Variants in ZNF787 observed in about 807,000 individuals in gnomAD.
The protein encoded by ZNF787 is zinc finger protein 787.
In ZNF787, 7 loss-of-function variants were observed where a neutral mutation model predicts 16.9. The ratio of observed to expected loss-of-function variants is 0.42; its 90% CI spans 0.24 to 0.78. ZNF787 has a LOEUF of 0.78. ZNF787 is among the 30% of genes least tolerant of loss of function. The pLI is 0.30. For missense variants in ZNF787, 551 were observed against 589.3 expected, an observed-to-expected ratio of 0.94 and a Z score of 0.67; for synonymous variants, 345 against 270.9, an observed-to-expected ratio of 1.27 and a Z score of -2.69.
At chr19:56,094,207 T>TTC (rs920821247) in intron 2 of ZNF787, among the ~76,000 whole-genome samples, 1,940 of 145,696 alleles carry the variant, frequency 0.013, 40 homozygotes, top group African/African-American at 0.048. Context: ...TTTTTTTTTT[T>TTC]CATTTTCAGT....
At chr19:56,108,112 T>C (rs1255847851) in intron 1 of ZNF787, among the ~76,000 whole-genome samples, 1 of 152,046 alleles carries the variant, frequency 6.6e-6, no homozygotes, top group Admixed American at 6.5e-5. Context: ...GCAGTGTCTG[T>C]GCCAGGCACA....
In ZNF787 at chr19:56,087,853, G is replaced by C. The variant is rs955479021; in HGVS notation, c.*170C>G. The stretch of plus-strand genomic sequence containing the variant: ...CGGAGAAGTGAACGGGCCCTAATAC[G>C]CCCCAGTGCCCCCCCACGGACGGCG... On this transcript the variant is annotated 3_prime_UTR_variant, in exon 3 of 3. Coordinates refer to ENST00000610935, the MANE Select transcript of ZNF787 (RefSeq NM_001002836.4). 14 of 1,099,990 alleles carry C rather than the reference G, an allele frequency of 1.3e-5. No homozygotes were observed. The highest frequency in any genetic ancestry group is 1.6e-5 in the Non-Finnish European group (14 of 864,408). The allele number at this position is 1,099,990 out of a possible 1,614,324, so 68.1% of individuals were successfully genotyped here.
intron 1 of ZNF787, among the ~76,000 whole-genome samples, chr19:56,113,598 A>G (rs1323768548): frequency 6.6e-6 from 1 of 152,158 alleles, no homozygotes; most frequent in African/African-American, 2.4e-5. Context: ...AACAAGCCCG[A>G]TGCAGAACAG....
At chr19:56,095,371 T>C (rs1305819099) in intron 2 of ZNF787, among the ~76,000 whole-genome samples, 1 of 152,234 alleles carries the variant, frequency 6.6e-6, no homozygotes, top group Non-Finnish European at 1.5e-5. Flanking sequence ...TGCCTATCTG[T>C]AGAAATGCCA....
intron 2 of ZNF787, among the ~76,000 whole-genome samples, chr19:56,094,870 G>C (rs1390051840): frequency 6.6e-6 from 1 of 152,100 alleles, no homozygotes; most frequent in Non-Finnish European, 1.5e-5. Flanking sequence ...CAGCACTTTG[G>C]GAGGCCGAGG....
chr19:56,113,204 G>A (rs2030030523), intron 1 of ZNF787, among the ~76,000 whole-genome samples: 1 of 152,158 alleles, frequency 6.6e-6, no homozygotes, highest in Non-Finnish European at 1.5e-5. Flanking sequence ...CAGGGAGGCA[G>A]CACCTCACAC....
chr19:56,090,202 C>T (rs747890849), intron 2 of ZNF787, among the ~76,000 whole-genome samples: 38 of 152,348 alleles, frequency 2.5e-4, no homozygotes, highest in Non-Finnish European at 4.1e-4. Context: ...CTGGCAAACA[C>T]GCAAGGAAGG....
chr19:56,100,769 CACAGGAGGAAT>C (rs1266011216), intron 2 of ZNF787, among the ~76,000 whole-genome samples: 1 of 148,026 alleles, frequency 6.8e-6, no homozygotes, highest in African/African-American at 2.5e-5. Flanking sequence ...GTCACTGTCA[CACAGGAGGAAT>C]GCACGTAAGC....
At chr19:56,116,679 TG>T (rs1371038725) in intron 1 of ZNF787, among the ~76,000 whole-genome samples, 1 of 152,150 alleles carries the variant, frequency 6.6e-6, no homozygotes, top group Non-Finnish European at 1.5e-5. Flanking sequence ...ACCCCTCTGC[TG>T]GGCCAACAGG....
Position 56,110,594 on chromosome 19 carries a change from G to A in ZNF787, c.-10-7367C>T, listed in dbSNP as rs938507471. 3.9e-5 allele frequency among the ~76,000 whole-genome samples: 6 copies of A among 151,918 alleles called. No individual in the cohort carries two copies. The South Asian group carries it at 6.2e-4, about 16-fold the overall frequency. On this transcript the variant is annotated intron_variant, in intron 1 of 2. Coordinates refer to ENST00000610935, the MANE Select transcript of ZNF787 (RefSeq NM_001002836.4). Reference sequence around the variant, plus strand: ...TGGGGCTGAGGAGGTGGTGGGGGCTGCTCCTCACCTCCTCTTCTTGGCTGA... The same window carrying A: ...TGGGGCTGAGGAGGTGGTGGGGGCTACTCCTCACCTCCTCTTCTTGGCTGA...
chr19:56,088,370 C>T lies in ZNF787; in HGVS notation c.802G>A (p.Gly268Arg), dbSNP rs1985424398. 8.9e-7 allele frequency: 1 copy of T among 1,122,544 alleles called. No homozygotes were observed. The allele number at this position is 1,122,544 out of a possible 1,614,324, so 69.5% of individuals were successfully genotyped here. A position where few individuals can be genotyped will look rare whatever the true frequency, so the allele number is the denominator to read the frequency against. ...GCCGGGGCGCGCCGCGACCGGGGCC[C>T]CGCGGCCTTTGCCCCCGCGCCCGCC... The part of the protein sequence containing the change: ...AMAGAGAKAA[G>R]PRSRRAPAPK... The change falls in exon 3 of 3, where the codon GGG becomes AGG. Residue 268 changes from glycine to arginine, a missense_variant. Transcript: ENST00000610935. This position sits in a 1 kb window ranked among gnomAD's most constrained non-coding sequence, Gnocchi z 8.6.
rs57458138 is a variant in ZNF787 at position 56,091,947 on chromosome 19, C to CGAAACCGAAACCGAAACCG, written c.80-2856_80-2855insCGGTTTCGGTTTCGGTTTC. 5.3e-3 allele frequency among the ~76,000 whole-genome samples: 791 copies of CGAAACCGAAACCGAAACCG among 149,442 alleles called. 3 individuals carry two copies. The highest frequency in any genetic ancestry group is 8.1e-3 in the Non-Finnish European group (542 of 67,058). ...CCGAAGCCGAAGCCGAAGCCAAAGC[C>CGAAACCGAAACCGAAACCG]AAAGCCGAAACCGAAACCGAAGCCA... is the stretch of plus-strand genomic sequence containing the variant. On this transcript the variant is annotated intron_variant, in intron 2 of 2. Coordinates refer to ENST00000610935, the MANE Select transcript of ZNF787 (RefSeq NM_001002836.4).
chr19:56,101,441 G>A (rs1205257180), intron 2 of ZNF787, among the ~76,000 whole-genome samples: 1 of 152,254 alleles, frequency 6.6e-6, no homozygotes, highest in East Asian at 1.9e-4. Flanking sequence ...AGGGCAGCGG[G>A]CTGGACAAGG....
intron 1 of ZNF787, among the ~76,000 whole-genome samples, chr19:56,119,157 C>A (rs531222811): frequency 6.6e-6 from 1 of 152,134 alleles, no homozygotes; most frequent in African/African-American, 2.4e-5. Context: ...CACAGAAGGG[C>A]CTTGAGATCC....
chr19:56,106,586 C>G (rs151254007), intron 1 of ZNF787, among the ~76,000 whole-genome samples: 263 of 152,330 alleles, frequency 1.7e-3, no homozygotes, highest in African/African-American at 6.0e-3. Context: ...GGCCCCAGTT[C>G]CTGGTGTGAC....
chr19:56,103,832 A>C (rs1293026590), intron 1 of ZNF787, among the ~76,000 whole-genome samples: 2 of 126,216 alleles, frequency 1.6e-5, no homozygotes, highest in Non-Finnish European at 3.4e-5. Flanking sequence ...CGTGCCACGC[A>C]CCGGGAGGGT....
Position 56,100,594 on chromosome 19 carries a change from G to A in ZNF787, c.79+2545C>T, listed in dbSNP as rs1455243029. The stretch of plus-strand genomic sequence containing the variant: ...TGGGCCCCCATATCCCTCAGCAATA[G>A]GCTAGAGGAAAAGGGACCACACACG... On this transcript the variant is annotated intron_variant, in intron 2 of 2. Transcript: ENST00000610935. 2.0e-5 allele frequency among the ~76,000 whole-genome samples: 3 copies of A among 152,244 alleles called. No homozygotes were observed. The South Asian group carries it at 6.2e-4, about 32-fold the overall frequency.
intron 1 of ZNF787, among the ~76,000 whole-genome samples, chr19:56,113,563 C>T (rs1169708637): frequency 6.6e-6 from 1 of 152,088 alleles, no homozygotes; most frequent in Non-Finnish European, 1.5e-5. Context: ...ACAGGGATGA[C>T]CCTCGAACAC....
chr19:56,105,335 A>T (rs1599951712), intron 1 of ZNF787: 2 of 152,072 alleles, frequency 1.3e-5, no homozygotes, highest in East Asian at 3.9e-4. Flanking sequence ...ATAAACCAGG[A>T]GCGCCTCAGC....
Sources: gnomAD v4.1 joint callset for allele counts (sites outside exome capture counted in the v4.1 genomes callset) on GRCh38, gnomAD v4.1.1 for gene constraint, Gnocchi (gnomAD v3.1) non-coding constraint, MANE v1.5 for transcripts, NCBI Gene and HGNC (gene_info 2026-07-23, HGNC 2026-07-21) for gene names.